Variants in NRM observed in about 807,000 individuals in gnomAD.
NRM encodes nurim.
In NRM, 19 loss-of-function variants were observed where a neutral mutation model predicts 23.4. The ratio of observed to expected loss-of-function variants is 0.81; its 90% CI spans 0.57 to 1.19. The LOEUF is 1.19. NRM is among the 50% of genes most tolerant of loss of function. The pLI is 0.00. For synonymous variants in NRM, 140 were observed against 143.5 expected, an observed-to-expected ratio of 0.98 and a Z score of 0.17; for missense variants, 232 against 329.7, an observed-to-expected ratio of 0.70 and a Z score of 2.30.
Position 30,689,083 on chromosome 6 carries a change from C to T in NRM, c.508-141G>A. On this transcript the variant is annotated intron_variant, in intron 3 of 3. Transcript: ENST00000376421. This position sits in a 1 kb window ranked among gnomAD's most constrained non-coding sequence, Gnocchi z 4.7. Reference sequence around the variant, plus strand: ...CTGAGACTTGGATCCCTGATCCTGACTTCTGATCCATGTACCTTCCCCAGG... The same window carrying T: ...CTGAGACTTGGATCCCTGATCCTGATTTCTGATCCATGTACCTTCCCCAGG... 7 of 1,135,996 alleles carry T rather than the reference C, an allele frequency of 6.2e-6. No homozygotes were observed. Among genetic ancestry groups the T allele is most frequent in the Non-Finnish European group, 7.3e-6 (6 of 820,002 alleles). 70.4% of individuals were successfully genotyped at this position (1,135,996 alleles called of 1,614,324 possible).
Position 30,690,591 on chromosome 6 carries a change from A to T in NRM, c.133+251T>A. On this transcript the variant is annotated intron_variant, in intron 1 of 3. Coordinates refer to ENST00000376421, the MANE Select transcript of NRM (RefSeq NM_001384369.1). The surrounding 1 kb of genome is among the most constrained non-coding windows in gnomAD (Gnocchi z 5.5). ...AACAGTCCTCTCTACAAAACACTTT[A>T]CTTAGAATACTCCGGTCACCGCCCT... 2 of 1,544,296 alleles carry T rather than the reference A, an allele frequency of 1.3e-6. No homozygotes were observed. Among genetic ancestry groups the T allele is most frequent in the Admixed American group, 2.0e-5 (1 of 50,784 alleles).
In NRM at chr6:30,689,461, G is replaced by T; in HGVS notation, c.331-9C>A. 6.4e-7 allele frequency: 1 copy of T among 1,564,512 alleles called. No individual in the cohort carries two copies. On this transcript the variant is annotated splice_polypyrimidine_tract_variant and intron_variant, in intron 2 of 3. Transcript: ENST00000376421. The surrounding 1 kb of genome is among the most constrained non-coding windows in gnomAD (Gnocchi z 4.7). ...CAGTACCGCATCACCAGCTGTGGAAGGATAAGGGGCTGGGTATCCCAGTGG... is the reference window on the plus strand; with the variant it reads ...CAGTACCGCATCACCAGCTGTGGAATGATAAGGGGCTGGGTATCCCAGTGG...
chr6:30,690,699 C>G lies in NRM; in HGVS notation c.133+143G>C. On this transcript the variant is annotated intron_variant, in intron 1 of 3. Coordinates refer to ENST00000376421, the MANE Select transcript of NRM (RefSeq NM_001384369.1). This position sits in a 1 kb window ranked among gnomAD's most constrained non-coding sequence, Gnocchi z 5.5. ...CTAATTTAGAACTCAGGTCTCCCTC[C>G]CCTGTAGCTTCTCGGCCGCTTTCAA... 6.2e-7 allele frequency: 1 copy of G among 1,610,724 alleles called. No individual in the cohort carries two copies. Among genetic ancestry groups the G allele is most frequent in the Non-Finnish European group, 8.5e-7 (1 of 1,179,132 alleles).
chr6:30,690,037 G>C lies in NRM; in HGVS notation c.330+10C>G, dbSNP rs770861833. ...CAGGATTTCATACCTGCAAGGCCAG[G>C]GCCTCATACCTGCAAGGCCAGGGCA... On this transcript the variant is annotated intron_variant, in intron 2 of 3. Transcript: ENST00000376421. This position sits in a 1 kb window ranked among gnomAD's most constrained non-coding sequence, Gnocchi z 5.5. The C allele has an allele frequency of 3.1e-6, 5 of 1,596,704 alleles. No individual in the cohort carries two copies. Among genetic ancestry groups the C allele is most frequent in the Non-Finnish European group, 4.3e-6 (5 of 1,175,004 alleles).
In NRM at chr6:30,689,195, TG is replaced by T; in HGVS notation, c.507+80del. The T allele has an allele frequency of 4.7e-5, 63 of 1,347,970 alleles. No individual in the cohort carries two copies. The highest frequency in any genetic ancestry group is 6.2e-5 in the Non-Finnish European group (61 of 989,072). 83.5% of individuals were successfully genotyped at this position (1,347,970 alleles called of 1,614,324 possible). A position where few individuals can be genotyped will look rare whatever the true frequency, so the allele number is the denominator to read the frequency against. On this transcript the variant is annotated intron_variant, in intron 3 of 3. Transcript: ENST00000376421. The surrounding 1 kb of genome is among the most constrained non-coding windows in gnomAD (Gnocchi z 4.7). ...GAAGCAGGGAGACAGTAGAAGAGCA[TG>T]GGAGGAGGGAAACCCTTGAAAGGGA...
Position 30,688,975 on chromosome 6 carries a change from C to T in NRM, c.508-33G>A, listed in dbSNP as rs370909701. On this transcript the variant is annotated intron_variant, in intron 3 of 3. Coordinates refer to ENST00000376421, the MANE Select transcript of NRM (RefSeq NM_001384369.1). This position sits in a 1 kb window ranked among gnomAD's most constrained non-coding sequence, Gnocchi z 5.9. ...AGGGAGAAGAGCTTAGAAATGGAGT[C>T]AAGCCCTTTTCTCATCTTGGGCACT... The T allele has an allele frequency of 7.5e-5, 120 of 1,589,984 alleles. 1 individual carries two copies. The African/African-American group carries it at 1.3e-3, about 18-fold the overall frequency.
At position 30,690,191 on chromosome 6, in the gene NRM, G is replaced by T; in HGVS notation, c.186C>A (p.Pro62=). The part of the protein sequence containing the change: ...AALQDRSILA[P]LAWDLGLLLL... Reference sequence around the variant, plus strand: ...GCAGGAGCCCCAGATCCCATGCCAGGGGGGCAAGGATGCTGCGGTCCTGCA... The same window carrying T: ...GCAGGAGCCCCAGATCCCATGCCAGTGGGGCAAGGATGCTGCGGTCCTGCA... Residue 62 remains proline, a synonymous_variant, in exon 2 of 4, where the codon CCC becomes CCA. Transcript: ENST00000376421. The surrounding 1 kb of genome is among the most constrained non-coding windows in gnomAD (Gnocchi z 5.5). 6.2e-7 allele frequency: 1 copy of T among 1,611,604 alleles called. No individual in the cohort carries two copies. The highest frequency in any genetic ancestry group is 1.7e-5 in the Admixed American group (1 of 59,610).
In NRM at chr6:30,689,254, G is replaced by A. The variant is rs1403039569; in HGVS notation, c.507+22C>T. The A allele has an allele frequency of 1.9e-6, 3 of 1,548,732 alleles. No individual in the cohort carries two copies. The highest frequency in any genetic ancestry group is 2.6e-6 in the Non-Finnish European group (3 of 1,145,076). ...GTTCTAAAATGGGTCAGAGGTCATA[G>A]GTAGGGATCTCGGAGCCTCACCTGT... On this transcript the variant is annotated intron_variant, in intron 3 of 3. Transcript: ENST00000376421. The surrounding 1 kb of genome is among the most constrained non-coding windows in gnomAD (Gnocchi z 4.7).
In NRM at chr6:30,689,442, C is replaced by T. The variant is rs757647322; in HGVS notation, c.341G>A (p.Arg114Gln). ...CTALALQLVM[R>Q]YWEPIPKGPV... is the part of the protein sequence containing the mutation. Reference sequence around the variant, plus strand: ...GCCTTTGGGTATGGGCTCCCAGTACCGCATCACCAGCTGTGGAAGGATAAG... The same window carrying T: ...GCCTTTGGGTATGGGCTCCCAGTACTGCATCACCAGCTGTGGAAGGATAAG... The change falls in exon 3 of 4, where the codon CGG (arginine) becomes CAG (glutamine). Residue 114 changes from arginine to glutamine, a missense_variant. Physicochemically the swap from Arg to Gln is conservative, Grantham distance 43. Coordinates refer to ENST00000376421, the MANE Select transcript of NRM (RefSeq NM_001384369.1). The surrounding 1 kb of genome is among the most constrained non-coding windows in gnomAD (Gnocchi z 4.7). The T allele has an allele frequency of 3.2e-6, 5 of 1,573,906 alleles. No homozygotes were observed. Among genetic ancestry groups the T allele is most frequent in the Non-Finnish European group, 4.3e-6 (5 of 1,160,356 alleles).
In NRM at chr6:30,688,933, G is replaced by T. The variant is rs773566559; in HGVS notation, c.517C>A (p.His173Asn). The T allele has an allele frequency of 3.2e-5, 52 of 1,612,492 alleles. No homozygotes were observed. Among genetic ancestry groups the T allele is most frequent in the Non-Finnish European group, 4.3e-5 (51 of 1,179,620 alleles). The change falls in exon 4 of 4, where the codon CAT becomes AAT. Residue 173 changes from histidine to asparagine, a missense_variant. By Grantham distance (68) the His-to-Asn change is moderately conservative. Transcript: ENST00000376421. The surrounding 1 kb of genome is among the most constrained non-coding windows in gnomAD (Gnocchi z 5.9). The stretch of plus-strand genomic sequence containing the variant: ...AGAGGCTCGCCCAGCCCCAGCACAT[G>T]GTAGTATACCTAAGAGAGGGAGAAG... ...ELMGLKQVYY[H>N]VLGLGEPLAL...
At position 30,690,841 on chromosome 6, in the gene NRM, C is replaced by T; in HGVS notation, c.133+1G>A. The T allele has an allele frequency of 2.5e-6, 4 of 1,613,078 alleles. No individual in the cohort carries two copies. The highest frequency in any genetic ancestry group is 3.4e-6 in the Non-Finnish European group (4 of 1,180,012). On this transcript the variant is annotated splice_donor_variant, in intron 1 of 3. Transcript: ENST00000376421. LOFTEE classifies it high-confidence loss of function. The surrounding 1 kb of genome is among the most constrained non-coding windows in gnomAD (Gnocchi z 5.5). ...GTTCATCCTCGATCCCTCCCGCTCACCCGGACCACCAGACTCCGGGATCCC... is the reference window on the plus strand; with the variant it reads ...GTTCATCCTCGATCCCTCCCGCTCATCCGGACCACCAGACTCCGGGATCCC...
In NRM at chr6:30,690,279, G is replaced by GA. The variant is rs1299628666; in HGVS notation, c.134-37dup. The GA allele has an allele frequency of 1.3e-6, 2 of 1,531,198 alleles. No homozygotes were observed. The highest frequency in any genetic ancestry group is 4.5e-5 in the Admixed American group (2 of 44,852). 94.9% of individuals were successfully genotyped at this position (1,531,198 alleles called of 1,614,324 possible). A position where few individuals can be genotyped will look rare whatever the true frequency, so the allele number is the denominator to read the frequency against. ...TTGAGGGAAAAAGAGACAAAAGATC[G>GA]AAACAGTGGCAGAATGTTTCCCCCA... On this transcript the variant is annotated intron_variant, in intron 1 of 3. Transcript: ENST00000376421. This position sits in a 1 kb window ranked among gnomAD's most constrained non-coding sequence, Gnocchi z 5.5.
chr6:30,689,233 T>C lies in NRM; in HGVS notation c.507+43A>G. ...ACCCTTGAAAGGGAACGAGGAGTTC[T>C]AAAATGGGTCAGAGGTCATAGGTAG... On this transcript the variant is annotated intron_variant, in intron 3 of 3. Coordinates refer to ENST00000376421, the MANE Select transcript of NRM (RefSeq NM_001384369.1). This position sits in a 1 kb window ranked among gnomAD's most constrained non-coding sequence, Gnocchi z 4.7. 1 of 1,523,642 alleles carries C rather than the reference T, an allele frequency of 6.6e-7. No individual in the cohort carries two copies. The highest frequency in any genetic ancestry group is 8.9e-7 in the Non-Finnish European group (1 of 1,128,170). The allele number at this position is 1,523,642 out of a possible 1,614,324, so 94.4% of individuals were successfully genotyped here. A position where few individuals can be genotyped will look rare whatever the true frequency, so the allele number is the denominator to read the frequency against.
chr6:30,688,431 ATACCCCACTCTTCC>A lies in NRM; in HGVS notation c.*216_*229del, dbSNP rs1222051366. On this transcript the variant is annotated 3_prime_UTR_variant, in exon 4 of 4. Coordinates refer to ENST00000376421, the MANE Select transcript of NRM (RefSeq NM_001384369.1). This position sits in a 1 kb window ranked among gnomAD's most constrained non-coding sequence, Gnocchi z 5.9. Reference sequence around the variant, plus strand: ...AACAGTGAAGGGACAGATGACTTCCATACCCCACTCTTCCTTGCTGGTGAGAAGTGGACCTTGGA... The same window carrying A: ...AACAGTGAAGGGACAGATGACTTCCATTGCTGGTGAGAAGTGGACCTTGGA... 8.1e-5 allele frequency: 49 copies of A among 601,554 alleles called. No individual in the cohort carries two copies. The highest frequency in any genetic ancestry group is 4.7e-4 in the Admixed American group (16 of 33,802). The allele number at this position is 601,554 out of a possible 1,614,324, so 37.3% of individuals were successfully genotyped here. A position where few individuals can be genotyped will look rare whatever the true frequency, so the allele number is the denominator to read the frequency against.
Position 30,688,802 on chromosome 6 carries a change from G to A in NRM, c.648C>T (p.Asp216=). 6.2e-7 allele frequency: 1 copy of A among 1,613,798 alleles called. No homozygotes were observed. Among genetic ancestry groups the A allele is most frequent in the Non-Finnish European group, 8.5e-7 (1 of 1,179,976 alleles). The stretch of plus-strand genomic sequence containing the variant: ...TAAGGAGGAAAGCAAGGAGGAGACG[G>A]TCCGTGCCCAGGGTAGGCACCACCC... The part of the protein sequence containing the change: ...VLWVVPTLGT[D]RLLLAFLLTL... The change falls in exon 4 of 4, where the codon GAC becomes GAT. Residue 216 remains aspartate (D), a synonymous_variant. Transcript: ENST00000376421. This position sits in a 1 kb window ranked among gnomAD's most constrained non-coding sequence, Gnocchi z 5.9.
At position 30,689,183 on chromosome 6, in the gene NRM, A is replaced by C; in HGVS notation, c.507+93T>G. On this transcript the variant is annotated intron_variant, in intron 3 of 3. Coordinates refer to ENST00000376421, the MANE Select transcript of NRM (RefSeq NM_001384369.1). This position sits in a 1 kb window ranked among gnomAD's most constrained non-coding sequence, Gnocchi z 4.7. ...GGCCACGAGGGAGAAGCAGGGAGAC[A>C]GTAGAAGAGCATGGGAGGAGGGAAA... The C allele has an allele frequency of 7.8e-7, 1 of 1,287,528 alleles. No homozygotes were observed. Among genetic ancestry groups the C allele is most frequent in the South Asian group, 1.5e-5 (1 of 67,736 alleles). 79.8% of individuals were successfully genotyped at this position (1,287,528 alleles called of 1,614,324 possible). A position where few individuals can be genotyped will look rare whatever the true frequency, so the allele number is the denominator to read the frequency against.
chr6:30,688,657 C>T lies in NRM; in HGVS notation c.*4G>A, dbSNP rs371691195. The T allele has an allele frequency of 2.0e-5, 32 of 1,612,494 alleles. No homozygotes were observed. Among genetic ancestry groups the T allele is most frequent in the Non-Finnish European group, 2.3e-5 (27 of 1,179,104 alleles). ...GAACAGGGCTTGTAACCAGAGTGAG[C>T]TCCTCACTCTGCCTCCCCATCCTGG... On this transcript the variant is annotated 3_prime_UTR_variant, in exon 4 of 4. Transcript: ENST00000376421. The surrounding 1 kb of genome is among the most constrained non-coding windows in gnomAD (Gnocchi z 5.9).
In NRM at chr6:30,690,749, TC is replaced by T; in HGVS notation, c.133+92del. On this transcript the variant is annotated intron_variant, in intron 1 of 3. Transcript: ENST00000376421. This position sits in a 1 kb window ranked among gnomAD's most constrained non-coding sequence, Gnocchi z 5.5. ...AGGTTCGAGTTCCCTCTCTTGGACT[TC>T]CCCTGTCATTTGTTTCCAAGCCCCG... 1 of 1,611,414 alleles carries T rather than the reference TC, an allele frequency of 6.2e-7. No individual in the cohort carries two copies.
chr6:30,689,210 C>A lies in NRM; in HGVS notation c.507+66G>T. 3 of 1,442,430 alleles carry A rather than the reference C, an allele frequency of 2.1e-6. No homozygotes were observed. The highest frequency in any genetic ancestry group is 1.9e-6 in the Non-Finnish European group (2 of 1,067,602). 89.4% of individuals were successfully genotyped at this position (1,442,430 alleles called of 1,614,324 possible). On this transcript the variant is annotated intron_variant, in intron 3 of 3. Coordinates refer to ENST00000376421, the MANE Select transcript of NRM (RefSeq NM_001384369.1). The surrounding 1 kb of genome is among the most constrained non-coding windows in gnomAD (Gnocchi z 4.7). ...TAGAAGAGCATGGGAGGAGGGAAAC[C>A]CTTGAAAGGGAACGAGGAGTTCTAA... is the stretch of plus-strand genomic sequence containing the variant.
Sources: allele counts gnomAD v4.1 joint callset, GRCh38; gene constraint gnomAD v4.1.1; non-coding constraint Gnocchi (gnomAD v3.1); transcripts MANE v1.5; gene names NCBI Gene and HGNC (gene_info 2026-07-23, HGNC 2026-07-21).